Variants in ANKRD11 observed in about 807,000 individuals in gnomAD.
ANKRD11 encodes the protein ankyrin repeat domain-containing protein 11.
In ANKRD11, 17 loss-of-function variants were observed where a neutral mutation model predicts 195.7. The observed-to-expected ratio is 0.09, with a 90% CI of 0.06 to 0.13. ANKRD11 has a LOEUF of 0.13. ANKRD11 is among the 10% of genes least tolerant of loss of function. The pLI is 1.00. For synonymous variants in ANKRD11, 1,953 were observed against 1,528.1 expected (o/e 1.28, Z -6.49); for missense variants, 3,735 against 3,566.1 (o/e 1.05, Z -1.21).
At chr16:89,427,080 C>G (rs913718885) in intron 1 of ANKRD11, among the ~76,000 whole-genome samples, 1 of 152,176 alleles carries the variant, frequency 6.6e-6, no homozygotes, top group Non-Finnish European at 1.5e-5. Context: ...CTGCATGATA[C>G]AAGATCAATA....
At chr16:89,388,295 T>TTTTTTTTA (rs1226627341) in intron 2 of ANKRD11, among the ~76,000 whole-genome samples, 2 of 121,752 alleles carry the variant, frequency 1.6e-5, no homozygotes, top group Non-Finnish European at 3.3e-5. Context: ...TGAGGCTGAT[T>TTTTTTTTA]TTTTTTTTTT....
rs1423180192 is a variant in ANKRD11, at chr16:89,288,573, A to G, written c.699T>C (p.Asp233=). The G allele has an allele frequency of 8.1e-6, 13 of 1,614,006 alleles. No individual in the cohort carries two copies. The highest frequency in any genetic ancestry group is 1.1e-5 in the Non-Finnish European group (13 of 1,180,028). The change falls in exon 7 of 13, where the codon GAT becomes GAC. Residue 233 remains aspartate, a synonymous_variant. Transcript: ENST00000301030. ...AGAEVNTKGL[D]DDTPLHDAAN... is the part of the protein sequence containing the mutation. ...CAGCGTCGTGCAAAGGCGTGTCGTC[A>G]TCTAGGCCCTTGGTGTTCACCTCCG...
intron 2 of ANKRD11, among the ~76,000 whole-genome samples, chr16:89,343,342 T>C (rs376187906): frequency 1.3e-5 from 2 of 152,160 alleles, no homozygotes; most frequent in Admixed American, 6.5e-5. Context: ...AACAGAAAAA[T>C]TGACATTTAG....
At position 89,393,235 on chromosome 16, in the gene ANKRD11, G is replaced by A. The variant is rs117052270; in HGVS notation, c.-60+25049C>T. ...ATTCACCTGTTCCCACAGGTGACAT[G>A]GCTCCCACCCTGGGACCAAGAGAGT... On this transcript the variant is annotated intron_variant, in intron 2 of 12. Transcript: ENST00000301030. Among the ~76,000 whole-genome samples the A allele has an allele frequency of 8.4e-3, 1,281 of 152,202 alleles. 9 individuals are homozygous for A. The highest frequency in any genetic ancestry group is 0.014 in the Non-Finnish European group (966 of 68,006).
At position 89,419,379 on chromosome 16, in the gene ANKRD11, C is replaced by T. The variant is rs62068635; in HGVS notation, c.-144-1011G>A. 7.8e-3 allele frequency among the ~76,000 whole-genome samples: 1,179 copies of T among 150,554 alleles called. 7 individuals are homozygous for T. Among genetic ancestry groups the T allele is most frequent in the Non-Finnish European group, 0.013 (849 of 67,800 alleles). On this transcript the variant is annotated intron_variant, in intron 1 of 12. Transcript: ENST00000301030. Reference sequence around the variant, plus strand: ...GGGGCAGGTGAATCACTTGAATCTGCGAGGCAAAGGTTGCAGTGAGCTGAG... The same window carrying T: ...GGGGCAGGTGAATCACTTGAATCTGTGAGGCAAAGGTTGCAGTGAGCTGAG...
chr16:89,464,070 C>G (rs554074493), intron 1 of ANKRD11, among the ~76,000 whole-genome samples: 47 of 152,098 alleles, frequency 3.1e-4, no homozygotes, highest in African/African-American at 1.1e-3. Context: ...GAAACCCCGT[C>G]TCTACTAAAA....
chr16:89,332,209 A>C (rs1236297047), intron 2 of ANKRD11, among the ~76,000 whole-genome samples: 1 of 152,226 alleles, frequency 6.6e-6, no homozygotes, highest in Non-Finnish European at 1.5e-5. Flanking sequence ...TTACGTATTA[A>C]AGAATCCTCA....
intron 2 of ANKRD11, among the ~76,000 whole-genome samples, chr16:89,338,616 T>G (rs1172514242): frequency 1.4e-5 from 2 of 148,140 alleles, no homozygotes; most frequent in African/African-American, 5.0e-5. Flanking sequence ...TCCCAGCTAC[T>G]TGGGAGGCTG....
intron 1 of ANKRD11, among the ~76,000 whole-genome samples, chr16:89,450,725 C>T (rs2044031831): frequency 1.3e-5 from 2 of 152,236 alleles, no homozygotes; most frequent in East Asian, 3.9e-4. Flanking sequence ...TCTAACTCCT[C>T]GCCTCAAGCA....
chr16:89,416,280 G>A (rs889181271), intron 2 of ANKRD11, among the ~76,000 whole-genome samples: 3 of 151,948 alleles, frequency 2.0e-5, no homozygotes, highest in Non-Finnish European at 4.4e-5. Flanking sequence ...AATCAGAGAA[G>A]CCTGTATTTT....
intron 1 of ANKRD11, among the ~76,000 whole-genome samples, chr16:89,469,138 G>A (rs949641883): frequency 4.6e-5 from 7 of 151,604 alleles, no homozygotes; most frequent in Non-Finnish European, 8.8e-5. Context: ...AGCCACCACT[G>A]CACTGCACTT....
At chr16:89,353,615 T>C (rs2039324066) in intron 2 of ANKRD11, among the ~76,000 whole-genome samples, 1 of 151,920 alleles carries the variant, frequency 6.6e-6, no homozygotes, top group South Asian at 2.1e-4. Flanking sequence ...GTAGCTGGGA[T>C]TACAGGCATG....
intron 4 of ANKRD11, chr16:89,299,825 G>A (rs2035722023): frequency 5.0e-6 from 1 of 198,228 alleles, no homozygotes; most frequent in Non-Finnish European, 9.7e-6. Context: ...TGGGCTGCGT[G>A]GGGTCTGTGC....
intron 2 of ANKRD11, among the ~76,000 whole-genome samples, chr16:89,337,643 T>G (rs528323552): frequency 1.2e-4 from 19 of 152,114 alleles, no homozygotes; most frequent in Admixed American, 9.8e-4. Context: ...GGTTTCACCG[T>G]GTTAGCCAGG....
intron 2 of ANKRD11, among the ~76,000 whole-genome samples, chr16:89,352,207 A>C (rs986740855): frequency 6.6e-5 from 10 of 152,048 alleles, no homozygotes; most frequent in Admixed American, 6.6e-4. Context: ...TTCTTTGAAA[A>C]GCATGAGACA....
intron 1 of ANKRD11, among the ~76,000 whole-genome samples, chr16:89,465,781 G>A (rs2056860305): frequency 6.6e-6 from 1 of 152,144 alleles, no homozygotes; most frequent in Admixed American, 6.5e-5. Flanking sequence ...CACGATCTCA[G>A]CTAACTGCAA....
At chr16:89,428,318 G>A (rs543902410) in intron 1 of ANKRD11, among the ~76,000 whole-genome samples, 3 of 152,242 alleles carry the variant, frequency 2.0e-5, no homozygotes, top group African/African-American at 4.8e-5. Flanking sequence ...AAGGTCAGGA[G>A]ATCGAGACCA....
chr16:89,376,902 A>G (rs984943697), intron 2 of ANKRD11, among the ~76,000 whole-genome samples: 1 of 152,258 alleles, frequency 6.6e-6, no homozygotes, highest in African/African-American at 2.4e-5. Flanking sequence ...GTTTATGATA[A>G]GGACTGCCTT....
intron 2 of ANKRD11, among the ~76,000 whole-genome samples, chr16:89,376,013 C>A (rs2086822): frequency 0.035 from 5,331 of 152,216 alleles, 205 homozygotes; most frequent in East Asian, 0.15. Context: ...AGCAGAAGGG[C>A]CATCACAAAA....
Sources: allele counts gnomAD v4.1 joint callset (sites outside exome capture counted in the v4.1 genomes callset), GRCh38; gene constraint gnomAD v4.1.1; transcripts MANE v1.5; gene names NCBI Gene and HGNC (gene_info 2026-07-23, HGNC 2026-07-21).